The following STARD8 variants were observed in gnomAD, a reference collection of about 807,000 sequenced individuals.
STARD8 encodes StAR related lipid transfer domain containing 8.
Under a neutral mutation model 69.4 loss-of-function variants are expected in STARD8, and 25 were observed. That is an observed-to-expected ratio of 0.36 (90% CI 0.26 to 0.50). STARD8 has a LOEUF of 0.50. STARD8 is among the 20% of genes least tolerant of loss of function. STARD8 has a pLI of 0.96. For missense variants in STARD8, 921 were observed against 932.5 expected (o/e 0.99, Z 0.16); for synonymous variants, 389 against 374.6 (o/e 1.04, Z -0.45).
In STARD8 at chrX:68,718,452, T is replaced by C. The variant is rs2080117368; in HGVS notation, c.1538T>C (p.Leu513Pro). The part of the protein sequence containing the change: ...SGGEPTFASS[L>P]SVEEGHSISD... ...GGGGAACCCACCTTTGCCTCTAGCCTGTCTGTGGAAGAAGGACACTCCATT... is the reference window on the plus strand; with the variant it reads ...GGGGAACCCACCTTTGCCTCTAGCCCGTCTGTGGAAGAAGGACACTCCATT... Residue 513 changes from leucine (L) to proline (P), a missense_variant, in exon 6 of 15, where the codon CTG becomes CCG. Leu to Pro is a moderately conservative substitution (Grantham distance 98). Transcript: ENST00000374599. The C allele has an allele frequency of 1.7e-6, 2 of 1,211,869 alleles. No homozygotes were observed. Among genetic ancestry groups the C allele is most frequent in the African/African-American group, 3.5e-5 (2 of 57,854 alleles).
intron 3 of STARD8, 151 bp from the exon 4 acceptor site, chrX:68,715,143 C>T: frequency 4.2e-6 from 2 of 474,936 alleles, no homozygotes; most frequent in African/African-American, 4.8e-5. Context: ...CCCTGGGCAC[C>T]CTCCTTTATT....
intron 2 of STARD8, among the ~76,000 whole-genome samples, chrX:68,673,716 C>T (rs2079744871): frequency 8.9e-6 from 1 of 112,099 alleles, no homozygotes; most frequent in Non-Finnish European, 1.9e-5. Context: ...GCTCTGCCTA[C>T]AATCTGGAGC....
chrX:68,699,881 C>A (rs1278719499), intron 2 of STARD8, among the ~76,000 whole-genome samples: 1 of 112,253 alleles, frequency 8.9e-6, no homozygotes, highest in African/African-American at 3.2e-5. Flanking sequence ...GTCCAGCCAG[C>A]TCTCACGATT....
intron 2 of STARD8, among the ~76,000 whole-genome samples, chrX:68,679,932 G>T (rs1302446679): frequency 9.0e-6 from 1 of 111,510 alleles, no homozygotes; most frequent in Non-Finnish European, 1.9e-5. Context: ...GGAGGTAAGA[G>T]GGGTAGACTT....
chrX:68,680,950 G>A (rs1370433473), intron 2 of STARD8, among the ~76,000 whole-genome samples: 4 of 111,100 alleles, frequency 3.6e-5, no homozygotes, highest in African/African-American at 9.9e-5. Context: ...CATTTAACAA[G>A]TGAGGAAACT....
chrX:68,685,102 C>T (rs969262990), intron 2 of STARD8, among the ~76,000 whole-genome samples: 2 of 112,184 alleles, frequency 1.8e-5, no homozygotes, highest in African/African-American at 6.5e-5. Flanking sequence ...TAGCTTATCC[C>T]TCACAAATGG....
chrX:68,660,492 G>A (rs986216146), intron 1 of STARD8, among the ~76,000 whole-genome samples: 2 of 111,524 alleles, frequency 1.8e-5, no homozygotes, highest in African/African-American at 6.5e-5. Flanking sequence ...CCAGGTCATT[G>A]ACATGGGGTT....
intron 1 of STARD8, among the ~76,000 whole-genome samples, chrX:68,661,976 CTTTCTTTCTTTCTTTCTT>C (rs2079652298): frequency 9.5e-5 from 5 of 52,809 alleles, no homozygotes; most frequent in African/African-American, 5.1e-4. Context: ...CTCTCTCTTT[CTTTCTTTCTTTCTTTCTT>C]TCTTTCTTTC....
At chrX:68,699,804 T>C (rs961302078) in intron 2 of STARD8, among the ~76,000 whole-genome samples, 1 of 111,822 alleles carries the variant, frequency 8.9e-6, no homozygotes, top group Admixed American at 9.5e-5. Flanking sequence ...CCACAACAGG[T>C]AGACTCCTAA....
At chrX:68,712,082 G>C in intron 2 of STARD8, among the ~76,000 whole-genome samples, 1 of 112,701 alleles carries the variant, frequency 8.9e-6, no homozygotes, top group Non-Finnish European at 1.9e-5. Context: ...GGTGCTGGCA[G>C]GGGTGCTCAG....
intron 8 of STARD8, 71 bp downstream of exon 8, chrX:68,720,494 G>T: frequency 9.3e-7 from 1 of 1,073,818 alleles, no homozygotes; most frequent in Non-Finnish European, 1.2e-6. Context: ...TGGGCTGAAG[G>T]CTGAGGAGCT....
In STARD8 at chrX:68,721,642, T is replaced by A. The variant is rs759377850; in HGVS notation, c.2355T>A (p.Ile785=). 2.5e-6 allele frequency: 3 copies of A among 1,212,007 alleles called. No homozygotes were observed. In the South Asian group the frequency reaches 5.3e-5, roughly 21 times the overall value. Residue 785 remains isoleucine (I), a synonymous_variant, in exon 10 of 15, where the codon ATT becomes ATA. Coordinates refer to ENST00000374599, the MANE Select transcript of STARD8 (RefSeq NM_001142503.3). Reference sequence around the variant, plus strand: ...CCCTGCTCTACTTCTTAAGTGACATTGCCTCTGCCGAGGAAAACCAGATGA... The same window carrying A: ...CCCTGCTCTACTTCTTAAGTGACATAGCCTCTGCCGAGGAAAACCAGATGA... ...LQTLLYFLSD[I]ASAEENQMTA...
chrX:68,696,147 G>A (rs1385150662), intron 2 of STARD8, among the ~76,000 whole-genome samples: 1 of 112,657 alleles, frequency 8.9e-6, no homozygotes, highest in Non-Finnish European at 1.9e-5. Flanking sequence ...TGGGCCTTGG[G>A]AAAGCTGTTC....
intron 2 of STARD8, among the ~76,000 whole-genome samples, chrX:68,668,016 T>G (rs187586405): frequency 2.4e-3 from 270 of 111,134 alleles, no homozygotes; most frequent in African/African-American, 7.9e-3. Context: ...GACTCTGGGC[T>G]GACAGTTGTA....
chrX:68,695,070 T>G (rs1461540434), intron 2 of STARD8, among the ~76,000 whole-genome samples: 3 of 110,175 alleles, frequency 2.7e-5, no homozygotes, highest in African/African-American at 9.9e-5. Context: ...CTCCCCACTC[T>G]AGGGTTTGCC....
At position 68,717,698 on chromosome X, in the gene STARD8, T is replaced by C. The variant is rs764466053; in HGVS notation, c.784T>C (p.Trp262Arg). ...LSAGFYRAKN[W>R]AATSAGGSGA... ...AGCTGGATTTTACAGGGCCAAGAAC[T>C]GGGCCGCCACCTCAGCCGGTGGCAG... The change falls in exon 6 of 15, where the codon TGG becomes CGG. Residue 262 changes from tryptophan to arginine, a missense_variant. By Grantham distance (101) the Trp-to-Arg change is moderately radical. Coordinates refer to ENST00000374599, the MANE Select transcript of STARD8 (RefSeq NM_001142503.3). 26 of 1,210,759 alleles carry C rather than the reference T, an allele frequency of 2.1e-5. No homozygotes were observed. The East Asian group carries it at 4.7e-4, about 22-fold the overall frequency.
At chrX:68,673,356 G>A (rs943274151) in intron 2 of STARD8, among the ~76,000 whole-genome samples, 1 of 112,241 alleles carries the variant, frequency 8.9e-6, no homozygotes, top group African/African-American at 3.2e-5. Context: ...AAGAAGCCCA[G>A]CAAAAGCAGG....
rs779018973 is a variant in STARD8, at chrX:68,718,368, C to T, written c.1454C>T (p.Pro485Leu). The T allele has an allele frequency of 2.2e-5, 26 of 1,202,653 alleles. No individual in the cohort carries two copies. Among genetic ancestry groups the T allele is most frequent in the Admixed American group, 2.0e-4 (9 of 45,456 alleles). ...GTGGCACAGGAAGAGGCTGAGGCCC[C>T]GGCCCCAGCCCCGGCCCCGGCCCCA... ...EPVAQEEAEA[P>L]APAPAPAPAQ... Residue 485 changes from proline to leucine, a missense_variant, in exon 6 of 15, where the codon CCG becomes CTG. By Grantham distance (98) the Pro-to-Leu change is moderately conservative. Coordinates refer to ENST00000374599, the MANE Select transcript of STARD8 (RefSeq NM_001142503.3).
intron 1 of STARD8, among the ~76,000 whole-genome samples, chrX:68,663,751 C>T (rs2079665151): frequency 8.9e-6 from 1 of 112,149 alleles, no homozygotes; most frequent in Non-Finnish European, 1.9e-5. Flanking sequence ...CCTTTGTCTA[C>T]ACTGAGAATT....
Sources: gnomAD v4.1 joint callset for allele counts (sites outside exome capture counted in the v4.1 genomes callset) on GRCh38, gnomAD v4.1.1 for gene constraint, MANE v1.5 for transcripts, NCBI Gene and HGNC (gene_info 2026-07-23, HGNC 2026-07-21) for gene names.